Variants in IGSF11 observed in about 807,000 individuals in gnomAD.
IGSF11 encodes CXADR like 1.
Under a neutral mutation model 41.0 loss-of-function variants are expected in IGSF11, and 22 were observed. The ratio of observed to expected loss-of-function variants is 0.54; its 90% CI spans 0.38 to 0.77. IGSF11 has a LOEUF of 0.77. Ranked by LOEUF, IGSF11 falls within the 30% of genes least tolerant of loss-of-function variation. IGSF11 has a pLI of 0.00. For missense variants in IGSF11, 444 were observed against 530.8 expected (o/e 0.84, Z 1.61); for synonymous variants, 219 against 201.3 (o/e 1.09, Z -0.74).
At position 118,963,678 on chromosome 3, in the gene IGSF11, A is replaced by G. The variant is rs376630910; in HGVS notation, c.53-33403T>C. On this transcript the variant is annotated intron_variant, in intron 1 of 6. Coordinates refer to ENST00000393775, the MANE Select transcript of IGSF11 (RefSeq NM_001015887.3). ...AAAAGCACTAGATTCCTATTGTTAG[A>G]TGTATTCAGAAATACTTAGTTATTG... is the stretch of plus-strand genomic sequence containing the variant. Among the ~76,000 whole-genome samples the G allele has an allele frequency of 5.1e-4, 77 of 152,332 alleles. 1 individual carries two copies. Among genetic ancestry groups the G allele is most frequent in the African/African-American group, 1.8e-3 (75 of 41,580 alleles).
intron 1 of IGSF11, among the ~76,000 whole-genome samples, chr3:118,932,853 G>A (rs745954904): frequency 6.6e-6 from 1 of 152,174 alleles, no homozygotes; most frequent in Admixed American, 6.6e-5. Context: ...TAAACTACAC[G>A]GGATTGTAAG....
At chr3:118,991,070 T>C (rs1358694811) in intron 1 of IGSF11, among the ~76,000 whole-genome samples, 1 of 152,182 alleles carries the variant, frequency 6.6e-6, no homozygotes, top group Admixed American at 6.5e-5. Flanking sequence ...TTGCATCTCC[T>C]AAAAATACAG....
At chr3:118,979,571 A>T (rs1360839679) in intron 1 of IGSF11, among the ~76,000 whole-genome samples, 1 of 152,224 alleles carries the variant, frequency 6.6e-6, no homozygotes, top group Non-Finnish European at 1.5e-5. Context: ...CAAAACTGTA[A>T]AACTACAAGA....
At chr3:119,110,789 G>T (rs560018493) in intron 1 of IGSF11, among the ~76,000 whole-genome samples, 63 of 151,776 alleles carry the variant, frequency 4.2e-4, no homozygotes, top group East Asian at 1.4e-3. Flanking sequence ...AGGCCTGGTG[G>T]TGACAAAATC....
chr3:118,906,607 TTCCCCACA>T (rs1275104506), intron 4 of IGSF11, among the ~76,000 whole-genome samples: 1 of 152,178 alleles, frequency 6.6e-6, no homozygotes, highest in African/African-American at 2.4e-5. Flanking sequence ...GTCAATTATG[TTCCCCACA>T]TCAGGAGTTT....
chr3:118,928,913 A>T (rs1021216826), intron 2 of IGSF11, among the ~76,000 whole-genome samples, 197 bp from the exon 3 acceptor site: 1 of 152,168 alleles, frequency 6.6e-6, no homozygotes, highest in Admixed American at 6.5e-5. Context: ...CACATAACAA[A>T]TTAGAATAAT....
chr3:118,944,085 T>C (rs890082434), intron 1 of IGSF11, among the ~76,000 whole-genome samples: 1 of 152,226 alleles, frequency 6.6e-6, no homozygotes, highest in Non-Finnish European at 1.5e-5. Flanking sequence ...TTAAACACTA[T>C]TTTTAAAATT....
chr3:119,114,698 TG>T (rs1216455906), intron 1 of IGSF11, among the ~76,000 whole-genome samples: 1 of 152,218 alleles, frequency 6.6e-6, no homozygotes, highest in Non-Finnish European at 1.5e-5. Context: ...CCCTCCCAAA[TG>T]TTCTAACTTT....
rs1221409782 is a variant in IGSF11, at chr3:119,006,390, T to C, written c.52+28141A>G. On this transcript the variant is annotated intron_variant, in intron 1 of 6. Coordinates refer to ENST00000393775, the MANE Select transcript of IGSF11 (RefSeq NM_001015887.3). ...CTAAATTTTTTTCAAAGTTTTCCAC[T>C]TCTTTGCCTTTGGTTTGAATGTCCT... Among the ~76,000 whole-genome samples, 21 of 98,854 alleles carry C rather than the reference T, an allele frequency of 2.1e-4. 2 individuals carry two copies. The highest frequency in any genetic ancestry group is 1.8e-5 in the Non-Finnish European group (1 of 55,634). 64.9% of individuals were successfully genotyped at this position (98,854 alleles called of 152,430 possible). A position where few individuals can be genotyped will look rare whatever the true frequency, so the allele number is the denominator to read the frequency against.
intron 2 of IGSF11, among the ~76,000 whole-genome samples, chr3:118,929,743 T>A (rs1942677497): frequency 6.6e-6 from 1 of 152,156 alleles, no homozygotes; most frequent in South Asian, 2.1e-4. Context: ...TTAAAAAAAA[T>A]CAAGTACTAC....
Position 118,902,663 on chromosome 3 carries a change from T to C in IGSF11, c.1153A>G (p.Met385Val). 6.2e-7 allele frequency: 1 copy of C among 1,614,132 alleles called. No homozygotes were observed. Among genetic ancestry groups the C allele is most frequent in the Non-Finnish European group, 8.5e-7 (1 of 1,180,000 alleles). ...TANRGSSPQV[M>V]SRSNGSVSRK... ...CTGACTGAGCCATTGCTCCTGGACA[T>C]CACCTGTGGTGATGACCCTCTGTTG... The change falls in exon 7 of 7, where the codon ATG becomes GTG. Residue 385 changes from methionine to valine, a missense_variant. Met to Val is a conservative substitution (Grantham distance 21, BLOSUM62 1). This residue lies in a region of IGSF11 where 223 missense variants were observed against 226.2 expected (regional missense o/e 0.99). Transcript: ENST00000393775.
At chr3:118,993,594 A>G (rs1013664735) in intron 1 of IGSF11, among the ~76,000 whole-genome samples, 2 of 152,262 alleles carry the variant, frequency 1.3e-5, no homozygotes, top group Non-Finnish European at 2.9e-5. Flanking sequence ...GCCAAAAAGT[A>G]GCAACAACCC....
intron 1 of IGSF11, among the ~76,000 whole-genome samples, chr3:118,979,417 T>C (rs962484219): frequency 1.3e-5 from 2 of 152,092 alleles, no homozygotes; most frequent in Non-Finnish European, 2.9e-5. Context: ...GATCTCCAAA[T>C]AGGTACAATG....
chr3:119,086,482 G>A (rs2076676762), intron 1 of IGSF11, among the ~76,000 whole-genome samples: 2 of 150,440 alleles, frequency 1.3e-5, no homozygotes, highest in South Asian at 2.1e-4. Flanking sequence ...AAGTTGGAGG[G>A]GGAGGAAAAA....
intron 1 of IGSF11, among the ~76,000 whole-genome samples, chr3:119,091,912 TAC>T (rs1228244892): frequency 9.3e-5 from 14 of 151,226 alleles, no homozygotes; most frequent in African/African-American, 3.4e-4. Context: ...GAAAAAAACT[TAC>T]AGAGTAATAA....
chr3:118,973,250 G>C (rs1933662857), intron 1 of IGSF11, among the ~76,000 whole-genome samples: 1 of 152,160 alleles, frequency 6.6e-6, no homozygotes, highest in Non-Finnish European at 1.5e-5. Context: ...AATGAGTCCT[G>C]ATCAGAACAG....
chr3:119,130,754 G>A (rs1030074916), intron 1 of IGSF11, among the ~76,000 whole-genome samples: 6 of 152,164 alleles, frequency 3.9e-5, no homozygotes, highest in African/African-American at 1.2e-4. Flanking sequence ...CCCACATGTA[G>A]CCTAACTCAG....
intron 1 of IGSF11, chr3:119,105,041 T>C: frequency 1.5e-6 from 1 of 670,436 alleles, no homozygotes; most frequent in Non-Finnish European, 2.6e-6. Context: ...AGTAGGAGAA[T>C]ATACATAGAA....
At chr3:119,134,792 A>C (rs1559885817) in intron 1 of IGSF11, among the ~76,000 whole-genome samples, 1 of 152,182 alleles carries the variant, frequency 6.6e-6, no homozygotes, top group Non-Finnish European at 1.5e-5. Flanking sequence ...GCATCACGCT[A>C]CCTGACTTCA....
Sources: gnomAD v4.1 joint callset for allele counts (sites outside exome capture counted in the v4.1 genomes callset) on GRCh38, gnomAD v4.1.1 for gene constraint, gnomAD v4.1.1 regional missense constraint, MANE v1.5 for transcripts, NCBI Gene and HGNC (gene_info 2026-07-23, HGNC 2026-07-21) for gene names.